The following SIPA1L3 variants were observed in gnomAD, a reference collection of about 807,000 sequenced individuals.
SIPA1L3 encodes the protein signal-induced proliferation-associated 1-like protein 3.
A neutral mutation model predicts 150.1 loss-of-function variants in SIPA1L3; 59 were observed. The observed-to-expected ratio is 0.39, with a 90% confidence interval of 0.32 to 0.49. The LOEUF (loss-of-function observed/expected upper bound fraction) is 0.49. SIPA1L3 is among the 20% of genes least tolerant of loss of function. The pLI is 0.86. For synonymous variants in SIPA1L3, 1,070 were observed against 1,077.6 expected (o/e 0.99, Z 0.14); for missense variants, 2,211 against 2,489.5 (o/e 0.89, Z 2.38).
At chr19:37,961,577 T>C (rs2046858740) in intron 1 of SIPA1L3, among the ~76,000 whole-genome samples, 1 of 152,240 alleles carries the variant, frequency 6.6e-6, no homozygotes, top group African/African-American at 2.4e-5. Context: ...CCAATTTGAC[T>C]ACGTTGTGTC....
intron 1 of SIPA1L3, among the ~76,000 whole-genome samples, chr19:37,945,256 C>G (rs902418580): frequency 2.6e-5 from 4 of 151,154 alleles, no homozygotes; most frequent in African/African-American, 9.7e-5. Flanking sequence ...TTTTTTGAGA[C>G]AGAGTCAAAA....
intron 1 of SIPA1L3, among the ~76,000 whole-genome samples, chr19:37,977,592 C>T (rs575958512): frequency 3.3e-5 from 5 of 152,140 alleles, no homozygotes; most frequent in African/African-American, 7.2e-5. Context: ...CGCCCCCCCC[C>T]ACAGAAGTAG....
rs1166215466 is a variant in SIPA1L3, at chr19:38,101,068, A to G, written c.1871A>G (p.Lys624Arg). ...LDEQGLCRKH[K>R]VGILYCKAGQ... Reference sequence around the variant, plus strand: ...CCTCTGCAGCTCTGCCGGAAGCACAAGGTGGGCATCCTCTATTGCAAGGCC... The same window carrying G: ...CCTCTGCAGCTCTGCCGGAAGCACAGGGTGGGCATCCTCTATTGCAAGGCC... Residue 624 changes from lysine to arginine, a missense_variant, in exon 6 of 22, where the codon AAG becomes AGG. This residue lies in a region of SIPA1L3 where 625 missense variants were observed against 804.2 expected (regional missense o/e 0.78). Coordinates refer to ENST00000222345, the MANE Select transcript of SIPA1L3 (RefSeq NM_015073.3). 2.5e-6 allele frequency: 4 copies of G among 1,570,102 alleles called. No individual in the cohort carries two copies. Among genetic ancestry groups the G allele is most frequent in the Admixed American group, 1.8e-5 (1 of 54,236 alleles).
chr19:37,911,926 G>T, intron 1 of SIPA1L3, among the ~76,000 whole-genome samples: 1 of 151,874 alleles, frequency 6.6e-6, no homozygotes. Flanking sequence ...AAAAAAATTA[G>T]CCAGGCGTGG....
In SIPA1L3 at chr19:38,198,399, A is replaced by G; in HGVS notation, c.4851A>G (p.Ser1617=). The G allele has an allele frequency of 2.6e-6, 4 of 1,558,578 alleles. No homozygotes were observed. The highest frequency in any genetic ancestry group is 1.2e-5 in the South Asian group (1 of 83,964). Reference sequence around the variant, plus strand: ...ACCCTCCCCATCCAGCCACCATCTCAGCCTCGGAGCTCTCGCTGGCTGATG... The same window carrying G: ...ACCCTCCCCATCCAGCCACCATCTCGGCCTCGGAGCTCTCGCTGGCTGATG... The part of the protein sequence containing the change: ...SGFPEKKSTI[S]ASELSLADGR... The change falls in exon 19 of 22, where the codon TCA becomes TCG. Residue 1617 remains serine, a synonymous_variant. Coordinates refer to ENST00000222345, the MANE Select transcript of SIPA1L3 (RefSeq NM_015073.3).
At chr19:38,194,380 ACTG>A (rs1204307126) in intron 18 of SIPA1L3, among the ~76,000 whole-genome samples, 5 of 141,436 alleles carry the variant, frequency 3.5e-5, no homozygotes, top group African/African-American at 5.1e-5. Context: ...CCCCCCCACA[ACTG>A]AAAGACAGTA....
At chr19:38,195,802 G>GCCCCCCCCCCCCCCCCCC (rs976090881) in intron 18 of SIPA1L3, among the ~76,000 whole-genome samples, 1 of 20,250 alleles carries the variant, frequency 4.9e-5, no homozygotes, top group Non-Finnish European at 1.0e-4. Flanking sequence ...GTCCCCCCCC[G>GCCCCCCCCCCCCCCCCCC]CCCCCCCGGG....
chr19:38,060,676 C>T (rs1599975409), intron 2 of SIPA1L3, among the ~76,000 whole-genome samples: 1 of 152,150 alleles, frequency 6.6e-6, no homozygotes, highest in East Asian at 1.9e-4. Context: ...AAATATGTAG[C>T]TTGAAAGATT....
intron 7 of SIPA1L3, 85 bp from the exon 8 acceptor site, chr19:38,110,141 TG>T: frequency 8.1e-6 from 10 of 1,237,234 alleles, no homozygotes; most frequent in Admixed American, 2.1e-5. Flanking sequence ...TGGGGGTGGG[TG>T]GGGGGAGCTG....
At chr19:37,952,970 G>A (rs959863334) in intron 1 of SIPA1L3, among the ~76,000 whole-genome samples, 2 of 152,110 alleles carry the variant, frequency 1.3e-5, no homozygotes, top group African/African-American at 2.4e-5. Flanking sequence ...GGTGGCTCAC[G>A]CCTGTAATCC....
chr19:38,205,981 C>T, intron 21 of SIPA1L3, 116 bp from the exon 22 acceptor site: 2 of 1,238,392 alleles, frequency 1.6e-6, no homozygotes, highest in Non-Finnish European at 2.2e-6. Context: ...TGGCCTGGCT[C>T]TAGTGGTTGG....
At chr19:38,040,907 C>T (rs1238744649) in intron 2 of SIPA1L3, among the ~76,000 whole-genome samples, 1 of 151,862 alleles carries the variant, frequency 6.6e-6, no homozygotes, top group Non-Finnish European at 1.5e-5. Flanking sequence ...ACTACAGGCG[C>T]CCACCACCAC....
At chr19:37,978,609 A>T (rs888107815) in intron 1 of SIPA1L3, among the ~76,000 whole-genome samples, 9 of 152,204 alleles carry the variant, frequency 5.9e-5, no homozygotes, top group Non-Finnish European at 1.0e-4. Context: ...TACCATGCAC[A>T]GCCTGTTTTC....
intron 4 of SIPA1L3, among the ~76,000 whole-genome samples, chr19:38,096,360 C>G (rs1358735052): frequency 2.0e-5 from 3 of 152,152 alleles, no homozygotes; most frequent in African/African-American, 7.2e-5. Context: ...AGTGATTCTC[C>G]TGCCTCAGCC....
chr19:38,070,858 C>T (rs2145799151), intron 2 of SIPA1L3, among the ~76,000 whole-genome samples: 1 of 152,340 alleles, frequency 6.6e-6, no homozygotes, highest in East Asian at 1.9e-4. Context: ...ATGCCACATC[C>T]CTGAGCCCTC....
intron 2 of SIPA1L3, among the ~76,000 whole-genome samples, chr19:38,065,958 C>T (rs2163818): frequency 0.02 from 1,818 of 89,922 alleles, 23 homozygotes; most frequent in Non-Finnish European, 0.031. Flanking sequence ...TTTGAGGCAA[C>T]GTCTTGCTCT....
intron 2 of SIPA1L3, among the ~76,000 whole-genome samples, chr19:38,067,563 G>C (rs774167491): frequency 1.3e-5 from 2 of 152,120 alleles, no homozygotes; most frequent in African/African-American, 2.4e-5. Flanking sequence ...AGGAGTTCAA[G>C]ACCAGCCTGG....
chr19:38,124,245 T>C (rs1600103355), intron 9 of SIPA1L3, among the ~76,000 whole-genome samples: 1 of 138,402 alleles, frequency 7.2e-6, no homozygotes, highest in African/African-American at 2.8e-5. Context: ...ACTTCTCAGA[T>C]GGGGCGGTTG....
chr19:38,119,703 G>T lies in SIPA1L3; in HGVS notation c.2689G>T (p.Val897Leu). 1.2e-6 allele frequency: 2 copies of T among 1,614,210 alleles called. No individual in the cohort carries two copies. The highest frequency in any genetic ancestry group is 1.7e-6 in the Non-Finnish European group (2 of 1,180,034). Residue 897 changes from valine to leucine, a missense_variant, in exon 9 of 22, where the codon GTG becomes TTG. Physicochemically the swap from Val to Leu is conservative, Grantham distance 32. This residue lies in a region of SIPA1L3 where 625 missense variants were observed against 804.2 expected (regional missense o/e 0.78). Transcript: ENST00000222345. ...DCILGISNEFVVLLDLRTKEV... is the reference protein window; with the variant it reads ...DCILGISNEFLVLLDLRTKEV... ...CATTTTGGGAATTTCCAATGAGTTTGTGGTGCTCCTGGACTTACGCACCAA... is the reference window on the plus strand; with the variant it reads ...CATTTTGGGAATTTCCAATGAGTTTTTGGTGCTCCTGGACTTACGCACCAA...
Sources: gnomAD v4.1 joint callset for allele counts (sites outside exome capture counted in the v4.1 genomes callset) on GRCh38, gnomAD v4.1.1 for gene constraint, gnomAD v4.1.1 regional missense constraint, MANE v1.5 for transcripts, NCBI Gene and HGNC (gene_info 2026-07-23, HGNC 2026-07-21) for gene names.